The following ASIC2 variants were observed in gnomAD, a reference collection of about 807,000 sequenced individuals.
ASIC2 encodes the protein acid sensing ion channel subunit 2.
Under a neutral mutation model 57.3 loss-of-function variants are expected in ASIC2, and 25 were observed. The ratio of observed to expected loss-of-function variants is 0.44; its 90% CI spans 0.32 to 0.61. The LOEUF is 0.61. Ranked by LOEUF, ASIC2 falls within the 20% of genes least tolerant of loss-of-function variation. The pLI is 0.06. For synonymous variants in ASIC2, 319 were observed against 307.5 expected, an observed-to-expected ratio of 1.04 and a Z score of -0.39; for missense variants, 641 against 738.1, an observed-to-expected ratio of 0.87 and a Z score of 1.52.
chr17:33,625,526 T>C (rs1193715301), intron 1 of ASIC2, among the ~76,000 whole-genome samples: 1 of 152,202 alleles, frequency 6.6e-6, no homozygotes, highest in Non-Finnish European at 1.5e-5. Flanking sequence ...AACTGTGAGC[T>C]GATAAGTTAT....
intron 1 of ASIC2, among the ~76,000 whole-genome samples, chr17:33,642,076 G>A (rs1325569881): frequency 3.3e-5 from 5 of 152,100 alleles, no homozygotes; most frequent in Non-Finnish European, 7.4e-5. Context: ...TTATCAGAGA[G>A]CACCAAGACC....
intron 1 of ASIC2, among the ~76,000 whole-genome samples, chr17:33,799,403 T>TTTCTTTC (rs756059318): frequency 1.5e-3 from 78 of 51,342 alleles, no homozygotes; most frequent in East Asian, 2.9e-3. Flanking sequence ...TCTTTCTTTC[T>TTTCTTTC]TTTCTTTCTT....
At chr17:33,505,548 C>A (rs1914222398) in intron 1 of ASIC2, among the ~76,000 whole-genome samples, 1 of 152,216 alleles carries the variant, frequency 6.6e-6, no homozygotes, top group Non-Finnish European at 1.5e-5. Context: ...TTGTGTCTGA[C>A]CTAAACCTTT....
chr17:33,334,068 A>G (rs980212960), intron 1 of ASIC2, among the ~76,000 whole-genome samples: 7 of 152,220 alleles, frequency 4.6e-5, no homozygotes, highest in African/African-American at 1.7e-4. Flanking sequence ...CTCAAAGTCT[A>G]AAATTAGGTG....
At chr17:33,242,310 C>T (rs549036502) in intron 1 of ASIC2, among the ~76,000 whole-genome samples, 50 of 132,670 alleles carry the variant, frequency 3.8e-4, no homozygotes, top group African/African-American at 1.1e-3. Context: ...AGCGAGACTC[C>T]GTCAAAAAAA....
chr17:33,457,678 C>T (rs901865105), intron 1 of ASIC2, among the ~76,000 whole-genome samples: 12 of 152,144 alleles, frequency 7.9e-5, no homozygotes, highest in African/African-American at 2.2e-4. Context: ...GTGGTGGTGA[C>T]GTCAACACCT....
At chr17:33,686,585 AAG>A (rs1415027874) in intron 1 of ASIC2, among the ~76,000 whole-genome samples, 1 of 152,154 alleles carries the variant, frequency 6.6e-6, no homozygotes, top group Admixed American at 6.5e-5. Flanking sequence ...GCTCCTGCAG[AAG>A]AGAGAAGAGA....
chr17:33,061,210 T>A (rs1344973573), intron 3 of ASIC2, among the ~76,000 whole-genome samples: 2 of 152,044 alleles, frequency 1.3e-5, no homozygotes, highest in Non-Finnish European at 1.5e-5. Context: ...TGAATAGGAG[T>A]GGTGAGAGAG....
chr17:33,488,324 C>T (rs1330678012), intron 1 of ASIC2, among the ~76,000 whole-genome samples: 2 of 152,154 alleles, frequency 1.3e-5, no homozygotes. Flanking sequence ...CACAGGCCAT[C>T]CCCCAGTGTT....
chr17:33,433,200 C>T (rs879877896), intron 1 of ASIC2, among the ~76,000 whole-genome samples: 16 of 152,108 alleles, frequency 1.1e-4, no homozygotes, highest in Non-Finnish European at 1.5e-4. Context: ...TACATATATA[C>T]CATGGAATAT....
intron 1 of ASIC2, among the ~76,000 whole-genome samples, chr17:33,949,805 C>T (rs1904500979): frequency 6.6e-6 from 1 of 152,250 alleles, no homozygotes; most frequent in Non-Finnish European, 1.5e-5. Context: ...GCACTTAGCA[C>T]ACTGCCTGGC....
intron 1 of ASIC2, among the ~76,000 whole-genome samples, chr17:33,329,740 G>GTT (rs796583093): frequency 6.7e-6 from 1 of 149,750 alleles, no homozygotes; most frequent in Non-Finnish European, 1.5e-5. Flanking sequence ...TTCAGTTCCA[G>GTT]TTTTTTTTTT....
chr17:33,789,675 T>TTGTG (rs3064586), intron 1 of ASIC2, among the ~76,000 whole-genome samples: 31 of 151,570 alleles, frequency 2.0e-4, no homozygotes, highest in South Asian at 4.2e-4. Flanking sequence ...ATAATTTCCT[T>TTGTG]TGTGTGTGTG....
At chr17:33,286,999 A>G (rs147417662) in intron 1 of ASIC2, among the ~76,000 whole-genome samples, 6 of 152,354 alleles carry the variant, frequency 3.9e-5, no homozygotes, top group Admixed American at 2.0e-4. Context: ...AATTATATGA[A>G]TAGTAATTAT....
chr17:33,186,142 G>A (rs750124594), intron 1 of ASIC2, among the ~76,000 whole-genome samples: 140 of 151,790 alleles, frequency 9.2e-4, no homozygotes, highest in Non-Finnish European at 1.6e-3. Context: ...ACAGAGTCTC[G>A]CTTTGTTTCC....
rs190461258 is a variant in ASIC2 at position 33,686,381 on chromosome 17, C to T, written c.555+469597G>A. On this transcript the variant is annotated intron_variant, in intron 1 of 9. Coordinates refer to the ASIC2 transcript ENST00000359872. Reference sequence around the variant, plus strand: ...TTGCGGGTGAGGGTGTAAGGGCTCCCCCTGCTGGGGTGGAGTGGAACACCA... The same window carrying T: ...TTGCGGGTGAGGGTGTAAGGGCTCCTCCTGCTGGGGTGGAGTGGAACACCA... 9.2e-5 allele frequency among the ~76,000 whole-genome samples: 14 copies of T among 152,206 alleles called. No homozygotes were observed. The East Asian group carries it at 2.7e-3, about 29-fold the overall frequency.
intron 1 of ASIC2, among the ~76,000 whole-genome samples, chr17:34,050,560 T>C (rs1908519350): frequency 6.6e-6 from 1 of 152,226 alleles, no homozygotes; most frequent in Admixed American, 6.5e-5. Context: ...TTCTGTCCGT[T>C]TATGGATTTT....
At chr17:33,706,176 G>A (rs201545114) in intron 1 of ASIC2, among the ~76,000 whole-genome samples, 1 of 142,754 alleles carries the variant, frequency 7.0e-6, no homozygotes, top group East Asian at 2.0e-4. Flanking sequence ...ATATGTGTGT[G>A]TGTGTGTATG....
At chr17:34,031,909 G>C (rs998381071) in intron 1 of ASIC2, among the ~76,000 whole-genome samples, 3 of 152,346 alleles carry the variant, frequency 2.0e-5, no homozygotes, top group South Asian at 2.1e-4. Context: ...AAGTGACGGG[G>C]AGAATGGAAC....
Sources: gnomAD v4.1 joint callset for allele counts (sites outside exome capture counted in the v4.1 genomes callset) on GRCh38, gnomAD v4.1.1 for gene constraint, MANE v1.5 for transcripts, NCBI Gene and HGNC (gene_info 2026-07-23, HGNC 2026-07-21) for gene names.